The following STARD13 variants were observed in gnomAD, a reference collection of about 807,000 sequenced individuals.
STARD13 encodes the protein stAR-related lipid transfer protein 13.
STARD13 carries 62 observed loss-of-function variants against 106.4 expected under a neutral mutation model. The ratio of observed to expected loss-of-function variants is 0.58; its 90% CI spans 0.48 to 0.72. STARD13 has a LOEUF of 0.72. STARD13 is among the 30% of genes least tolerant of loss of function. STARD13 has a pLI of 0.00. For missense variants in STARD13, 1,387 were observed against 1,424.0 expected (o/e 0.97, Z 0.42); for synonymous variants, 565 against 553.0 (o/e 1.02, Z -0.31).
the STARD13 span, among the ~76,000 whole-genome samples, chr13:33,507,125 T>C: frequency 6.6e-6 from 1 of 152,120 alleles, no homozygotes; most frequent in African/African-American, 2.4e-5. Flanking sequence ...TACTTCTCCT[T>C]TTTCCAACTA....
the STARD13 span, among the ~76,000 whole-genome samples, chr13:33,575,900 C>T: frequency 6.6e-6 from 1 of 152,104 alleles, no homozygotes; most frequent in Non-Finnish European, 1.5e-5. Context: ...CAAAGCCCCT[C>T]TCCCTCTATG....
intron 1 of STARD13, among the ~76,000 whole-genome samples, chr13:33,301,558 CTTTTTTTTTCTTTTT>C (rs1892711021): frequency 7.7e-5 from 1 of 13,040 alleles, no homozygotes; most frequent in Non-Finnish European, 3.5e-4. Context: ...GTTTCTTTTT[CTTTTTTTTTCTTTTT>C]TTTTTTTTTT....
intron 1 of STARD13, among the ~76,000 whole-genome samples, chr13:33,230,701 A>C (rs1888874044): frequency 6.6e-6 from 1 of 152,194 alleles, no homozygotes; most frequent in Non-Finnish European, 1.5e-5. Flanking sequence ...TCTCTTCTAA[A>C]ACACTGTTTA....
the STARD13 span, among the ~76,000 whole-genome samples, chr13:33,499,610 CTTCTT>C: frequency 0.017 from 1,276 of 74,394 alleles, 35 homozygotes; most frequent in Non-Finnish European, 0.023. Context: ...CTTCTTTCTT[CTTCTT>C]CTTCTTCTTC....
intron 1 of STARD13, among the ~76,000 whole-genome samples, chr13:33,203,355 A>G (rs953798590): frequency 3.3e-5 from 5 of 152,248 alleles, no homozygotes; most frequent in Non-Finnish European, 7.3e-5. Flanking sequence ...CATATCTTAT[A>G]TGCTGCTATG....
chr13:33,392,759 G>T, the STARD13 span, among the ~76,000 whole-genome samples: 1 of 152,164 alleles, frequency 6.6e-6, no homozygotes, highest in African/African-American at 2.4e-5. Context: ...ATTAAGAAGA[G>T]AAATATCTTC....
chr13:33,121,200 A>G (rs925819531), intron 7 of STARD13, among the ~76,000 whole-genome samples: 1 of 152,228 alleles, frequency 6.6e-6, no homozygotes, highest in Non-Finnish European at 1.5e-5. Context: ...GACCAGAAGA[A>G]GAGCTTCCCC....
chr13:33,175,605 T>A (rs1008893799), intron 1 of STARD13, among the ~76,000 whole-genome samples: 2 of 152,142 alleles, frequency 1.3e-5, no homozygotes, highest in African/African-American at 4.8e-5. Context: ...GAGCTCCAAC[T>A]TCCACAAAAT....
At chr13:33,168,695 G>C (rs1883606658) in intron 1 of STARD13, among the ~76,000 whole-genome samples, 1 of 152,174 alleles carries the variant, frequency 6.6e-6, no homozygotes, top group African/African-American at 2.4e-5. Context: ...GGAGTGTACA[G>C]GGCGTTCTTG....
At chr13:33,553,281 C>T in the STARD13 span, among the ~76,000 whole-genome samples, 1 of 151,608 alleles carries the variant, frequency 6.6e-6, no homozygotes, top group Admixed American at 6.6e-5. Flanking sequence ...GGAGATTAGT[C>T]AAAATAATCA....
At chr13:33,657,195 G>A in the STARD13 span, among the ~76,000 whole-genome samples, 4 of 152,298 alleles carry the variant, frequency 2.6e-5, no homozygotes, top group Admixed American at 6.5e-5. Flanking sequence ...GTGTGAACCC[G>A]GGAGGCAGAG....
At chr13:33,325,936 A>G (rs13378525) in intron 1 of STARD13, among the ~76,000 whole-genome samples, 54,098 of 148,348 alleles carry the variant, frequency 0.36, 10,853 homozygotes, top group African/African-American at 0.5. Flanking sequence ...AGTGAGCCGA[A>G]ATAGCGCCAC....
Position 33,104,042 on chromosome 13 carries a change from A to G in STARD13, c.*1551T>C, listed in dbSNP as rs1030921357. 3 of 152,250 alleles carry G rather than the reference A, an allele frequency of 2.0e-5. No individual in the cohort carries two copies. The highest frequency in any genetic ancestry group is 7.2e-5 in the African/African-American group (3 of 41,472). 9.4% of individuals were successfully genotyped at this position (152,250 alleles called of 1,614,324 possible). On this transcript the variant is annotated 3_prime_UTR_variant, in exon 14 of 14. Transcript: ENST00000336934. ...TCAATAAAATAATTGCACATTGCTG[A>G]TAACAGAAACATTACATAAATGCAT...
the STARD13 span, among the ~76,000 whole-genome samples, chr13:33,516,203 G>A: frequency 1.4e-5 from 2 of 144,924 alleles, no homozygotes; most frequent in Admixed American, 1.4e-4. Flanking sequence ...ATATATTTAT[G>A]TCATAATATA....
chr13:33,218,149 G>A (rs1445171924), intron 1 of STARD13, among the ~76,000 whole-genome samples: 1 of 152,172 alleles, frequency 6.6e-6, no homozygotes, highest in Non-Finnish European at 1.5e-5. Context: ...CTTAGCTTGA[G>A]CAACACCCTG....
At chr13:33,491,545 G>T in the STARD13 span, among the ~76,000 whole-genome samples, 2 of 152,240 alleles carry the variant, frequency 1.3e-5, no homozygotes, top group South Asian at 4.1e-4. Flanking sequence ...AGACCTTGGG[G>T]GTTGAAAAGA....
intron 1 of STARD13, among the ~76,000 whole-genome samples, chr13:33,242,511 C>A (rs552834715): frequency 0.01 from 1,549 of 152,240 alleles, 33 homozygotes; most frequent in Non-Finnish European, 0.015. Flanking sequence ...GGATTAAGGG[C>A]GGTGCAAGAC....
chr13:33,675,392 G>A, the STARD13 span, among the ~76,000 whole-genome samples: 1 of 152,184 alleles, frequency 6.6e-6, no homozygotes, highest in Non-Finnish European at 1.5e-5. Context: ...AATGTCTGGA[G>A]GAGAGAGTTT....
chr13:33,585,155 A>T, the STARD13 span, among the ~76,000 whole-genome samples: 19,261 of 152,256 alleles, frequency 0.13, 1,726 homozygotes, highest in East Asian at 0.3. Context: ...TATGGAGAAA[A>T]TGAACCCTTG....
Sources: allele counts gnomAD v4.1 joint callset (sites outside exome capture counted in the v4.1 genomes callset), GRCh38; gene constraint gnomAD v4.1.1; transcripts MANE v1.5; gene names NCBI Gene and HGNC (gene_info 2026-07-23, HGNC 2026-07-21).